Variants in ZNF280D observed in about 807,000 individuals in gnomAD.
ZNF280D encodes the protein suppressor of hairy wing homolog 4.
Under a neutral mutation model 94.7 loss-of-function variants are expected in ZNF280D, and 39 were observed. That is an observed-to-expected ratio of 0.41 (90% CI 0.32 to 0.54). ZNF280D has a LOEUF of 0.54. ZNF280D is among the 20% of genes least tolerant of loss of function. The probability of loss-of-function intolerance (pLI) is 0.22; values close to 1 mark genes in which losing one functional copy is unlikely to be tolerated. For synonymous variants in ZNF280D, 398 were observed against 377.6 expected (o/e 1.05, Z -0.63); for missense variants, 1,090 against 1,149.3 (o/e 0.95, Z 0.75).
chr15:56,725,203 A>C (rs565106364), intron 1 of ZNF280D, among the ~76,000 whole-genome samples: 34 of 152,206 alleles, frequency 2.2e-4, no homozygotes, highest in African/African-American at 7.7e-4. Context: ...TTTGGTTACT[A>C]GCCCTAGTCA....
intron 16 of ZNF280D, among the ~76,000 whole-genome samples, chr15:56,661,319 C>G (rs2053928990): frequency 6.6e-6 from 1 of 152,104 alleles, no homozygotes; most frequent in African/African-American, 2.4e-5. Context: ...TCCAGAAAAT[C>G]TGAAGTTCAT....
At chr15:56,732,007 T>G (rs2058917126) in intron 1 of ZNF280D, among the ~76,000 whole-genome samples, 1 of 152,050 alleles carries the variant, frequency 6.6e-6, no homozygotes. Context: ...ATTTCAAAAG[T>G]AAAGTATAAA....
chr15:56,670,915 G>C (rs1297100981), intron 13 of ZNF280D, among the ~76,000 whole-genome samples: 1 of 151,924 alleles, frequency 6.6e-6, no homozygotes, highest in African/African-American at 2.4e-5. Flanking sequence ...GTTTTGATTT[G>C]CATTCCCTAA....
chr15:56,706,007 C>T (rs1445630269), intron 3 of ZNF280D, among the ~76,000 whole-genome samples: 15 of 148,142 alleles, frequency 1.0e-4, no homozygotes, highest in African/African-American at 3.8e-4. Flanking sequence ...ATGTTTAAGA[C>T]CTAACCCTCA....
chr15:56,720,645 T>C (rs2058306455), intron 1 of ZNF280D, among the ~76,000 whole-genome samples: 1 of 152,164 alleles, frequency 6.6e-6, no homozygotes, highest in Admixed American at 6.6e-5. Context: ...ATTTCTTAAA[T>C]ATTAAGACTT....
At chr15:56,685,383 T>C (rs2055932220) in intron 9 of ZNF280D, among the ~76,000 whole-genome samples, 1 of 145,748 alleles carries the variant, frequency 6.9e-6, no homozygotes, top group Admixed American at 7.9e-5. Flanking sequence ...AAATGTAATG[T>C]CATATGCCCT....
chr15:56,633,378 A>G (rs1274297217), intron 21 of ZNF280D, among the ~76,000 whole-genome samples: 1 of 152,178 alleles, frequency 6.6e-6, no homozygotes, highest in African/African-American at 2.4e-5. Context: ...ATCACCTACA[A>G]TCTACAACTC....
chr15:56,651,541 T>C (rs745403965), intron 19 of ZNF280D, among the ~76,000 whole-genome samples: 20 of 151,992 alleles, frequency 1.3e-4, no homozygotes. Flanking sequence ...ATTTGATACA[T>C]ACTATAAAAA....
At chr15:56,669,962 T>TA (rs1244362032) in intron 13 of ZNF280D, among the ~76,000 whole-genome samples, 114 of 830 alleles carry the variant, frequency 0.14, 25 homozygotes, top group African/African-American at 0.29. Context: ...TATATATATA[T>TA]TATATATATA....
At chr15:56,653,953 G>A in intron 19 of ZNF280D, 1 of 1,372,628 alleles carries the variant, frequency 7.3e-7, no homozygotes. Context: ...TCATGAACTT[G>A]GCTGCTCAAC....
chr15:56,638,948 A>C (rs2052484795), intron 20 of ZNF280D, among the ~76,000 whole-genome samples: 2 of 152,092 alleles, frequency 1.3e-5, no homozygotes, highest in Admixed American at 1.3e-4. Context: ...GGATCACCAC[A>C]TAACAAAAGA....
At chr15:56,651,278 A>G (rs994035106) in intron 19 of ZNF280D, among the ~76,000 whole-genome samples, 1 of 152,200 alleles carries the variant, frequency 6.6e-6, no homozygotes, top group African/African-American at 2.4e-5. Context: ...AACCAATCAC[A>G]TATTTTATTC....
chr15:56,654,142 T>C (rs2053381316), intron 19 of ZNF280D, 56 bp downstream of exon 19: 5 of 1,572,352 alleles, frequency 3.2e-6, no homozygotes, highest in Middle Eastern at 1.7e-4. Flanking sequence ...CATTTAAAAA[T>C]GCAATAGTGC....
chr15:56,694,691 CA>C (rs1319473944), intron 6 of ZNF280D, among the ~76,000 whole-genome samples: 1 of 152,036 alleles, frequency 6.6e-6, no homozygotes, highest in African/African-American at 2.4e-5. Context: ...TTAAAAGTGT[CA>C]AGTTCATGGA....
intron 3 of ZNF280D, among the ~76,000 whole-genome samples, chr15:56,706,294 G>A (rs2057398738): frequency 6.7e-6 from 1 of 150,228 alleles, no homozygotes; most frequent in Non-Finnish European, 1.5e-5. Flanking sequence ...GGCCAACATG[G>A]TGAAACCCAG....
At chr15:56,702,939 A>G (rs1596568646) in intron 4 of ZNF280D, among the ~76,000 whole-genome samples, 1 of 151,150 alleles carries the variant, frequency 6.6e-6, no homozygotes, top group South Asian at 2.1e-4. Context: ...ACACACACAC[A>G]CACACACACA....
intron 9 of ZNF280D, among the ~76,000 whole-genome samples, chr15:56,683,397 C>CA (rs1309685420): frequency 6.6e-6 from 1 of 152,110 alleles, no homozygotes; most frequent in Non-Finnish European, 1.5e-5. Flanking sequence ...TACGGAGGGG[C>CA]ATAGCTGAGC....
chr15:56,670,167 C>G (rs906740411), intron 13 of ZNF280D, among the ~76,000 whole-genome samples: 3 of 142,550 alleles, frequency 2.1e-5, no homozygotes, highest in Admixed American at 1.5e-4. Context: ...AGATACATCA[C>G]TATGTCCATT....
At chr15:56,710,224 G>A (rs1388398654) in intron 1 of ZNF280D, among the ~76,000 whole-genome samples, 1 of 152,148 alleles carries the variant, frequency 6.6e-6, no homozygotes, top group Admixed American at 6.5e-5. Flanking sequence ...CCAACACAGA[G>A]TCAAACTGTC....
Sources: allele counts gnomAD v4.1 joint callset (sites outside exome capture counted in the v4.1 genomes callset), GRCh38; gene constraint gnomAD v4.1.1; transcripts MANE v1.5; gene names NCBI Gene and HGNC (gene_info 2026-07-23, HGNC 2026-07-21).